The following PCDHGC4 variants were observed in gnomAD, a reference collection of about 807,000 sequenced individuals.
The protein encoded by PCDHGC4 is protocadherin gamma subfamily C, 4, also known as protocadherin gamma-C4.
PCDHGC4 carries 15 observed loss-of-function variants against 59.7 expected under a neutral mutation model. The ratio of observed to expected loss-of-function variants is 0.25; its 90% confidence interval spans 0.17 to 0.39. PCDHGC4 has a LOEUF of 0.39. Among genes scored for constraint, PCDHGC4 ranks in the 10% least tolerant of loss-of-function variants. The pLI, the probability that PCDHGC4 is intolerant of heterozygous loss-of-function variation, is 1.00. For synonymous variants in PCDHGC4, 434 were observed against 481.4 expected, an observed-to-expected ratio of 0.90 and a Z score of 1.29; for missense variants, 1,016 against 1,189.5, an observed-to-expected ratio of 0.85 and a Z score of 2.15.
chr5:141,487,491 C>A lies in PCDHGC4; in HGVS notation c.2318C>A (p.Thr773Lys). Residue 773 changes from threonine (T) to lysine (K), a missense_variant, in exon 1 of 4, where the codon ACA becomes AAA. Transcript: ENST00000306593. This position sits in a 1 kb window ranked among gnomAD's most constrained non-coding sequence, Gnocchi z 5.0. ...VDVGGHSHGC[T>K]PLASAPTRSD... The stretch of plus-strand genomic sequence containing the variant: ...GTGGGAGGCCACTCTCATGGCTGTA[C>A]ACCCTTGGCTTCTGCACCCACTCGG... The A allele has an allele frequency of 6.2e-7, 1 of 1,614,204 alleles. No individual in the cohort carries two copies. The highest frequency in any genetic ancestry group is 8.5e-7 in the Non-Finnish European group (1 of 1,180,034).
At chr5:141,500,568 T>C (rs1562196424) in intron 2 of PCDHGC4, among the ~76,000 whole-genome samples, 2 of 152,190 alleles carry the variant, frequency 1.3e-5, no homozygotes, top group Admixed American at 6.5e-5. Context: ...CTTGTCACAC[T>C]TTCATGTGAC....
intron 2 of PCDHGC4, among the ~76,000 whole-genome samples, chr5:141,502,787 G>T (rs2099816081): frequency 6.6e-6 from 1 of 151,394 alleles, no homozygotes; most frequent in African/African-American, 2.4e-5. Flanking sequence ...TTACCTGGAT[G>T]ATTTCTTCAG....
rs762910422 is a variant in PCDHGC4, at chr5:141,485,747, C to T, written c.574C>T (p.Pro192Ser). ...GAAGCGCAGCGACGGCAGCCTGGTCCCAGAGCTGCTCCTGGAGAAGCCTTT... is the reference window on the plus strand; with the variant it reads ...GAAGCGCAGCGACGGCAGCCTGGTCTCAGAGCTGCTCCTGGAGAAGCCTTT... ...VKKRSDGSLV[P>S]ELLLEKPLDR... The change falls in exon 1 of 4, where the codon CCA (proline) becomes TCA (serine). Residue 192 changes from proline (P) to serine (S), a missense_variant. Physicochemically the swap from Pro to Ser is moderately conservative, Grantham distance 74 (BLOSUM62 -1). Coordinates refer to ENST00000306593, the MANE Select transcript of PCDHGC4 (RefSeq NM_018928.3). This position sits in a 1 kb window ranked among gnomAD's most constrained non-coding sequence, Gnocchi z 5.7. 1 of 1,614,162 alleles carries T rather than the reference C, an allele frequency of 6.2e-7. No individual in the cohort carries two copies.
rs111263562 is a variant in PCDHGC4, at chr5:141,487,812, T to C, written c.2442+197T>C. The C allele has an allele frequency of 1.1e-4, 148 of 1,408,204 alleles. 1 individual carries two copies. Among genetic ancestry groups the C allele is most frequent in the South Asian group, 1.6e-4 (12 of 73,988 alleles). The allele number at this position is 1,408,204 out of a possible 1,614,324, so 87.2% of individuals were successfully genotyped here. On this transcript the variant is annotated intron_variant, in intron 1 of 3. Coordinates refer to ENST00000306593, the MANE Select transcript of PCDHGC4 (RefSeq NM_018928.3). The surrounding 1 kb of genome is among the most constrained non-coding windows in gnomAD (Gnocchi z 5.0). ...TAACCAGAGTTGTCACAGTTTAGCA[T>C]TGGGGGCGGGTCATGCCTATATCTG...
rs767577725 is a variant in PCDHGC4 at position 141,485,642 on chromosome 5, G to T, written c.469G>T (p.Ala157Ser). 4.3e-6 allele frequency: 7 copies of T among 1,612,162 alleles called. No homozygotes were observed. The highest frequency in any genetic ancestry group is 1.7e-5 in the Admixed American group (1 of 59,938). ...AGGACAGCGTTTCCCGTTGGAAAAGGCTCAGGATGCAGATGTGGGGAGCAA... is the reference window on the plus strand; with the variant it reads ...AGGACAGCGTTTCCCGTTGGAAAAGTCTCAGGATGCAGATGTGGGGAGCAA... ...PPGQRFPLEK[A>S]QDADVGSNSI... is the part of the protein sequence containing the mutation. Residue 157 changes from alanine to serine, a missense_variant, in exon 1 of 4, where the codon GCT becomes TCT. Ala to Ser is a moderately conservative substitution (Grantham distance 99). Coordinates refer to ENST00000306593, the MANE Select transcript of PCDHGC4 (RefSeq NM_018928.3). This position sits in a 1 kb window ranked among gnomAD's most constrained non-coding sequence, Gnocchi z 5.7.
In PCDHGC4 at chr5:141,487,801, A is replaced by G. The variant is rs895741843; in HGVS notation, c.2442+186A>G. The G allele has an allele frequency of 1.0e-5, 15 of 1,479,820 alleles. No individual in the cohort carries two copies. The highest frequency in any genetic ancestry group is 2.7e-6 in the Non-Finnish European group (3 of 1,095,672). The allele number at this position is 1,479,820 out of a possible 1,614,324, so 91.7% of individuals were successfully genotyped here. On this transcript the variant is annotated intron_variant, in intron 1 of 3. Coordinates refer to ENST00000306593, the MANE Select transcript of PCDHGC4 (RefSeq NM_018928.3). The surrounding 1 kb of genome is among the most constrained non-coding windows in gnomAD (Gnocchi z 5.0). ...GTTTCGTGAATTAACCAGAGTTGTC[A>G]CAGTTTAGCATTGGGGGCGGGTCAT... is the stretch of plus-strand genomic sequence containing the variant.
intron 3 of PCDHGC4, 72 bp from the exon 4 acceptor site, chr5:141,510,875 C>T: frequency 6.2e-7 from 1 of 1,610,120 alleles, no homozygotes; most frequent in Admixed American, 1.7e-5. Context: ...TCATTAACTG[C>T]TGGGGATATA....
At chr5:141,496,581 C>T (rs868326584) in intron 2 of PCDHGC4, among the ~76,000 whole-genome samples, 9 of 152,134 alleles carry the variant, frequency 5.9e-5, no homozygotes, top group African/African-American at 1.9e-4. Flanking sequence ...ATTTTAGGAA[C>T]GCAAAGCGCT....
chr5:141,494,656 C>CT, intron 1 of PCDHGC4, 151 bp from the exon 2 acceptor site: 1 of 1,478,476 alleles, frequency 6.8e-7, no homozygotes, highest in Non-Finnish European at 9.1e-7. Flanking sequence ...TGTATTTTGT[C>CT]TTTGGAGATG....
Position 141,489,793 on chromosome 5 carries a change from C to T in PCDHGC4, c.2442+2178C>T, listed in dbSNP as rs749700050. On this transcript the variant is annotated intron_variant, in intron 1 of 3. Transcript: ENST00000306593. The surrounding 1 kb of genome is among the most constrained non-coding windows in gnomAD (Gnocchi z 4.5). ...CCACTTCTCTCTGAATGTGAAGACC[C>T]TAAAAGATGGGAAGCCATTCCCAGA... The T allele has an allele frequency of 6.2e-7, 1 of 1,614,044 alleles. No homozygotes were observed. Among genetic ancestry groups the T allele is most frequent in the Non-Finnish European group, 8.5e-7 (1 of 1,180,010 alleles).
At position 141,512,350 on chromosome 5, in the gene PCDHGC4, G is replaced by C. The variant is rs1406428686; in HGVS notation, c.*1177G>C. ...CCATTCTTAGTCCCTGGGTTGGGGA[G>C]GCAGGGAGCTAGGGCAGGGACCAAA... is the stretch of plus-strand genomic sequence containing the variant. On this transcript the variant is annotated 3_prime_UTR_variant, in exon 4 of 4. Transcript: ENST00000306593. The C allele has an allele frequency of 6.5e-6, 1 of 152,906 alleles. No homozygotes were observed. The highest frequency in any genetic ancestry group is 1.9e-4 in the East Asian group (1 of 5,208). 9.5% of individuals were successfully genotyped at this position (152,906 alleles called of 1,614,324 possible).
In PCDHGC4 at chr5:141,491,841, A is replaced by T. The variant is rs995010359; in HGVS notation, c.2443-2966A>T. The T allele has an allele frequency of 1.4e-6, 2 of 1,465,172 alleles. No homozygotes were observed. The highest frequency in any genetic ancestry group is 1.4e-5 in the African/African-American group (1 of 69,948). 90.8% of individuals were successfully genotyped at this position (1,465,172 alleles called of 1,614,324 possible). ...TGCGCTCCACCCGATTCTCGGGATC[A>T]TTGGACCGTTTGCGCGAAACCAGAG... is the stretch of plus-strand genomic sequence containing the variant. On this transcript the variant is annotated intron_variant, in intron 1 of 3. Transcript: ENST00000306593. The surrounding 1 kb of genome is among the most constrained non-coding windows in gnomAD (Gnocchi z 6.9).
Position 141,490,810 on chromosome 5 carries a change from T to C in PCDHGC4, c.2442+3195T>C, listed in dbSNP as rs2099704652. On this transcript the variant is annotated intron_variant, in intron 1 of 3. Transcript: ENST00000306593. This position sits in a 1 kb window ranked among gnomAD's most constrained non-coding sequence, Gnocchi z 5.4. ...GATCTTTGCCCAGCGTACCTTTGAC[T>C]ATGAATTGCTGCAGATGCTGCAGAT... 1 of 1,613,936 alleles carries C rather than the reference T, an allele frequency of 6.2e-7. No individual in the cohort carries two copies. Among genetic ancestry groups the C allele is most frequent in the Non-Finnish European group, 8.5e-7 (1 of 1,179,884 alleles).
chr5:141,491,136 G>A lies in PCDHGC4; in HGVS notation c.2442+3521G>A, dbSNP rs769904518. On this transcript the variant is annotated intron_variant, in intron 1 of 3. Coordinates refer to ENST00000306593, the MANE Select transcript of PCDHGC4 (RefSeq NM_018928.3). This position sits in a 1 kb window ranked among gnomAD's most constrained non-coding sequence, Gnocchi z 6.9. ...ACACTGGTGAGGTGCGCACAGCCCG[G>A]GCCTTACTGGAGGATGACTCTGACA... The A allele has an allele frequency of 2.4e-5, 38 of 1,614,030 alleles. 1 individual carries two copies. The South Asian group carries it at 4.1e-4, about 17-fold the overall frequency.
chr5:141,503,608 A>G (rs1451651299), intron 2 of PCDHGC4, among the ~76,000 whole-genome samples: 3 of 151,994 alleles, frequency 2.0e-5, no homozygotes, highest in South Asian at 2.1e-4. Flanking sequence ...CAAAAAAAAA[A>G]AAAAAAGAAA....
At chr5:141,509,872 G>A (rs968745661) in intron 3 of PCDHGC4, among the ~76,000 whole-genome samples, 1 of 152,166 alleles carries the variant, frequency 6.6e-6, no homozygotes, top group Non-Finnish European at 1.5e-5. Context: ...CCAAGCTGCT[G>A]GTGGTGATGG....
rs1219684339 is a variant in PCDHGC4, at chr5:141,506,444, CAA to C, written c.2590+983_2590+984del. Among the ~76,000 whole-genome samples the C allele has an allele frequency of 5.9e-3, 564 of 95,004 alleles. 2 individuals carry two copies. The highest frequency in any genetic ancestry group is 0.013 in the African/African-American group (317 of 25,186). 62.3% of individuals were successfully genotyped at this position (95,004 alleles called of 152,430 possible). Reference sequence around the variant, plus strand: ...CCTGGGCAACAGTCTCGCTCTGTCTCAAAAAAAAAAAAAAAAAAAAAGAGCAC... The same window carrying C: ...CCTGGGCAACAGTCTCGCTCTGTCTCAAAAAAAAAAAAAAAAAAAGAGCAC... On this transcript the variant is annotated intron_variant, in intron 3 of 3. Transcript: ENST00000306593.
At position 141,489,207 on chromosome 5, in the gene PCDHGC4, A is replaced by T; in HGVS notation, c.2442+1592A>T. The T allele has an allele frequency of 6.9e-7, 1 of 1,452,692 alleles. No homozygotes were observed. The highest frequency in any genetic ancestry group is 9.3e-7 in the Non-Finnish European group (1 of 1,073,586). 90.0% of individuals were successfully genotyped at this position (1,452,692 alleles called of 1,614,324 possible). ...GGGTCTACCTTGGAGACAGGACAGC[A>T]CAGACTTACTCTCCACAAAGGGACT... On this transcript the variant is annotated intron_variant, in intron 1 of 3. Transcript: ENST00000306593. The surrounding 1 kb of genome is among the most constrained non-coding windows in gnomAD (Gnocchi z 4.5).
At chr5:141,495,149 G>A (rs1448841303) in intron 2 of PCDHGC4, among the ~76,000 whole-genome samples, 1 of 152,170 alleles carries the variant, frequency 6.6e-6, no homozygotes, top group Non-Finnish European at 1.5e-5. Context: ...CCAAAGGATG[G>A]TCTTAAGCTG....
Sources: gnomAD v4.1 joint callset for allele counts (sites outside exome capture counted in the v4.1 genomes callset) on GRCh38, gnomAD v4.1.1 for gene constraint, Gnocchi (gnomAD v3.1) non-coding constraint, MANE v1.5 for transcripts, NCBI Gene and HGNC (gene_info 2026-07-23, HGNC 2026-07-21) for gene names.